Variants in CREBBP observed in about 807,000 individuals in gnomAD.
CREBBP encodes the protein CREB-binding protein.
Under a neutral mutation model 265.0 loss-of-function variants are expected in CREBBP, and 19 were observed. The ratio of observed to expected loss-of-function variants is 0.07; its 90% CI spans 0.05 to 0.11. The LOEUF (loss-of-function observed/expected upper bound fraction) is 0.11. CREBBP is among the 10% of genes least tolerant of loss of function. CREBBP has a pLI of 1.00. For synonymous variants in CREBBP, 1,457 were observed against 1,223.7 expected (o/e 1.19, Z -3.98); for missense variants, 2,525 against 3,219.0 (o/e 0.78, Z 5.22).
At chr16:3,833,565 T>C (rs1174307009) in intron 2 of CREBBP, among the ~76,000 whole-genome samples, 2 of 152,196 alleles carry the variant, frequency 1.3e-5, no homozygotes, top group African/African-American at 2.4e-5. Context: ...TTCTAAGACA[T>C]CTTATAGAAT....
At chr16:3,862,464 G>C (rs1413193221) in intron 1 of CREBBP, among the ~76,000 whole-genome samples, 1 of 152,092 alleles carries the variant, frequency 6.6e-6, no homozygotes, top group Non-Finnish European at 1.5e-5. Context: ...TATTAAATTT[G>C]GGTTTAATAA....
intron 26 of CREBBP, among the ~76,000 whole-genome samples, chr16:3,737,855 C>T (rs2052106480): frequency 6.6e-6 from 1 of 151,890 alleles, no homozygotes; most frequent in South Asian, 2.1e-4. Context: ...GGCACAATCT[C>T]AGCTCACTGC....
At position 3,850,861 on chromosome 16, in the gene CREBBP, G is replaced by A. The variant is rs145925174; in HGVS notation, c.234C>T (p.Ser78=). 161 of 1,613,982 alleles carry A rather than the reference G, an allele frequency of 1.0e-4. No individual in the cohort carries two copies. The highest frequency in any genetic ancestry group is 1.2e-4 in the Non-Finnish European group (140 of 1,180,042). ...CTATTCCTGGGTTGATACTAGAGCCGCTGCCTCCTCGTAGAAGCTCCGACA... is the reference window on the plus strand; with the variant it reads ...CTATTCCTGGGTTGATACTAGAGCCACTGCCTCCTCGTAGAAGCTCCGACA... The part of the protein sequence containing the change: ...KQLSELLRGG[S]GSSINPGIGN... The change falls in exon 2 of 31, where the codon AGC becomes AGT. Residue 78 remains serine (S), a synonymous_variant. Transcript: ENST00000262367.
chr16:3,830,327 G>T (rs914600989), intron 2 of CREBBP, among the ~76,000 whole-genome samples: 15 of 152,108 alleles, frequency 9.9e-5, no homozygotes, highest in Non-Finnish European at 1.8e-4. Context: ...CACCCGGGGT[G>T]GGGGGCAGAG....
chr16:3,856,891 C>G (rs578039781), intron 1 of CREBBP, among the ~76,000 whole-genome samples: 1 of 152,264 alleles, frequency 6.6e-6, no homozygotes, highest in African/African-American at 2.4e-5. Context: ...GGAGGCCAGG[C>G]CACAGAAGAG....
chr16:3,757,894 T>A lies in CREBBP; in HGVS notation c.3524A>T (p.Tyr1175Phe). The change falls in exon 18 of 31, where the codon TAT becomes TTT. Residue 1175 changes from tyrosine (Y) to phenylalanine (F), a missense_variant. This residue lies in a region of CREBBP where 252 missense variants were observed against 452.5 expected (regional missense o/e 0.56). Transcript: ENST00000262367. ...WLYNRKTSRV[Y>F]KFCSKLAEVF... ...CTCTGCAAGCTTACTGCAAAACTTA[T>A]AGACTCGGGATGTCTTGCGATTATA... is the stretch of plus-strand genomic sequence containing the variant. The A allele has an allele frequency of 6.2e-7, 1 of 1,614,146 alleles. No individual in the cohort carries two copies. Among genetic ancestry groups the A allele is most frequent in the Non-Finnish European group, 8.5e-7 (1 of 1,180,022 alleles).
intron 2 of CREBBP, among the ~76,000 whole-genome samples, chr16:3,816,855 AC>A (rs2054045950): frequency 6.6e-6 from 1 of 152,210 alleles, no homozygotes; most frequent in Non-Finnish European, 1.5e-5. Context: ...ACGCCAAAGC[AC>A]CACCATGCCA....
chr16:3,731,484 G>C lies in CREBBP; in HGVS notation c.4891-11C>G. ...GATCACGAAGAAGACCTGCAGGAGA[G>C]GAGGGGCTTTAGTCCCACACAAGGG... On this transcript the variant is annotated splice_polypyrimidine_tract_variant and intron_variant, in intron 29 of 30. Coordinates refer to ENST00000262367, the MANE Select transcript of CREBBP (RefSeq NM_004380.3). This position sits in a 1 kb window ranked among gnomAD's most constrained non-coding sequence, Gnocchi z 7.7. 6.3e-7 allele frequency: 1 copy of C among 1,574,956 alleles called. No homozygotes were observed. Among genetic ancestry groups the C allele is most frequent in the Non-Finnish European group, 8.6e-7 (1 of 1,162,578 alleles).
At position 3,771,808 on chromosome 16, in the gene CREBBP, T is replaced by C. The variant is rs2053016528; in HGVS notation, c.2464-822A>G. Among the ~76,000 whole-genome samples, 5 of 150,644 alleles carry C rather than the reference T, an allele frequency of 3.3e-5. No homozygotes were observed. In the South Asian group the frequency reaches 1.1e-3, roughly 32 times the overall value. On this transcript the variant is annotated intron_variant, in intron 13 of 30. Coordinates refer to ENST00000262367, the MANE Select transcript of CREBBP (RefSeq NM_004380.3). The stretch of plus-strand genomic sequence containing the variant: ...AATGGCACTCAATTTAAAACTTTTT[T>C]TTTTTTTTTTTAAAAAAAAAAAGAC...
Position 3,880,244 on chromosome 16 carries a change from C to T in CREBBP, c.-328G>A, listed in dbSNP as rs1346248253. On this transcript the variant is annotated 5_prime_UTR_variant, in exon 1 of 31. Coordinates refer to ENST00000262367, the MANE Select transcript of CREBBP (RefSeq NM_004380.3). ...CCGGCGGCCCGGCCGCCCCCCCGGG[C>T]CCGGCTGGCAGCGACGGCGCCCGGC... is the stretch of plus-strand genomic sequence containing the variant. 1 of 142,450 alleles carries T rather than the reference C, an allele frequency of 7.0e-6. No individual in the cohort carries two copies. The highest frequency in any genetic ancestry group is 2.5e-5 in the African/African-American group (1 of 39,480). 8.8% of individuals were successfully genotyped at this position (142,450 alleles called of 1,614,324 possible). A position where few individuals can be genotyped will look rare whatever the true frequency, so the allele number is the denominator to read the frequency against.
At chr16:3,779,332 G>A (rs1004415994) in intron 8 of CREBBP, among the ~76,000 whole-genome samples, 1 of 151,974 alleles carries the variant, frequency 6.6e-6, no homozygotes, top group Admixed American at 6.6e-5. Flanking sequence ...ACACCACCAT[G>A]CCTGGCTAAT....
At chr16:3,787,159 G>A (rs2053406978) in intron 5 of CREBBP, among the ~76,000 whole-genome samples, 1 of 152,140 alleles carries the variant, frequency 6.6e-6, no homozygotes. Flanking sequence ...GCATTGTGTG[G>A]GCCAGGACCT....
At chr16:3,746,320 G>C (rs1431387926) in intron 21 of CREBBP, among the ~76,000 whole-genome samples, 1 of 151,860 alleles carries the variant, frequency 6.6e-6, no homozygotes, top group Non-Finnish European at 1.5e-5. Context: ...GTCTGCTGGA[G>C]GGAAAGAAAA....
chr16:3,782,800 G>C lies in CREBBP; in HGVS notation c.1457C>G (p.Ala486Gly). The C allele has an allele frequency of 6.2e-7, 1 of 1,614,194 alleles. No individual in the cohort carries two copies. Among genetic ancestry groups the C allele is most frequent in the Non-Finnish European group, 8.5e-7 (1 of 1,180,042 alleles). The change falls in exon 6 of 31, where the codon GCT (alanine) becomes GGT (glycine). Residue 486 changes from alanine (A) to glycine (G), a missense_variant. Transcript: ENST00000262367. Reference sequence around the variant, plus strand: ...GTTCATGTAGGGGAGTCCGAGAGCAGCATAGGCTCGCTGCATGGAGCTGGG... The same window carrying C: ...GTTCATGTAGGGGAGTCCGAGAGCACCATAGGCTCGCTGCATGGAGCTGGG... ...IDPSSMQRAY[A>G]ALGLPYMNQP...
chr16:3,743,323 G>A (rs1033789287), intron 23 of CREBBP: 2 of 152,230 alleles, frequency 1.3e-5, no homozygotes, highest in Non-Finnish European at 2.9e-5. Flanking sequence ...TATTACAATA[G>A]TTTATCAATG....
chr16:3,743,871 G>C (rs2052275653), intron 23 of CREBBP: 1 of 152,200 alleles, frequency 6.6e-6, no homozygotes, highest in Non-Finnish European at 1.5e-5. Context: ...AAGGTCAAGA[G>C]ATTGAGACCG....
Position 3,760,243 on chromosome 16 carries a change from T to C in CREBBP, c.3251-1271A>G, listed in dbSNP as rs149877289. 5.4e-3 allele frequency among the ~76,000 whole-genome samples: 819 copies of C among 151,780 alleles called. 5 individuals carry two copies. Among genetic ancestry groups the C allele is most frequent in the East Asian group, 0.011 (56 of 5,150 alleles). On this transcript the variant is annotated intron_variant, in intron 16 of 30. Transcript: ENST00000262367. ...AGTAACTGGGACTACAGGTGTGTGC[T>C]ACCATGCCTGACTCATTTTTAAATT...
intron 2 of CREBBP, among the ~76,000 whole-genome samples, chr16:3,814,442 G>A (rs1481008430): frequency 6.6e-6 from 1 of 152,038 alleles, no homozygotes; most frequent in Non-Finnish European, 1.5e-5. Context: ...TTTTAGTAGA[G>A]ACAGGGTTTT....
At chr16:3,864,790 G>C (rs960332762) in intron 1 of CREBBP, among the ~76,000 whole-genome samples, 5 of 152,246 alleles carry the variant, frequency 3.3e-5, no homozygotes, top group African/African-American at 1.2e-4. Context: ...TCCGTGGCTG[G>C]GCATGGTGGT....
Sources: gnomAD v4.1 joint callset for allele counts (sites outside exome capture counted in the v4.1 genomes callset) on GRCh38, gnomAD v4.1.1 for gene constraint, gnomAD v4.1.1 regional missense constraint, Gnocchi (gnomAD v3.1) non-coding constraint, MANE v1.5 for transcripts, NCBI Gene and HGNC (gene_info 2026-07-23, HGNC 2026-07-21) for gene names.